Variants in SLC13A4 observed in about 807,000 individuals in gnomAD.
SLC13A4 encodes the protein solute carrier family 13 member 4.
Under a neutral mutation model 72.7 loss-of-function variants are expected in SLC13A4, and 28 were observed. The observed-to-expected ratio is 0.39, with a 90% confidence interval of 0.29 to 0.53. The LOEUF (loss-of-function observed/expected upper bound fraction) is 0.53, where lower values mean the gene tolerates loss of function less well. Ranked by LOEUF, SLC13A4 falls within the 20% of genes least tolerant of loss-of-function variation. The pLI is 0.78. For missense variants in SLC13A4, 653 were observed against 788.0 expected, an observed-to-expected ratio of 0.83 and a Z score of 2.05; for synonymous variants, 312 against 325.5, an observed-to-expected ratio of 0.96 and a Z score of 0.45.
chr7:135,726,887 A>C (rs1743747714), intron 1 of SLC13A4, among the ~76,000 whole-genome samples: 2 of 152,166 alleles, frequency 1.3e-5, no homozygotes, highest in Admixed American at 6.5e-5. Context: ...TTAGAGCTTC[A>C]ACTGTGGTCA....
chr7:135,684,471 T>C (rs930440243), intron 14 of SLC13A4, among the ~76,000 whole-genome samples: 4 of 152,184 alleles, frequency 2.6e-5, no homozygotes, highest in African/African-American at 4.8e-5. Flanking sequence ...CATGGAAATA[T>C]GGCTTTGAGT....
At chr7:135,683,080 T>C (rs3110791) in intron 15 of SLC13A4, among the ~76,000 whole-genome samples, 103,641 of 151,700 alleles carry the variant, frequency 0.68, 35,754 homozygotes, top group East Asian at 0.89. Context: ...AGGCAGATCA[T>C]CTGAAGCCAG....
chr7:135,705,459 G>T, intron 5 of SLC13A4, 137 bp downstream of exon 5: 2 of 734,612 alleles, frequency 2.7e-6, no homozygotes, highest in Non-Finnish European at 2.3e-6. Context: ...GTTGGGCGGG[G>T]TGGGGGGGTG....
chr7:135,721,966 G>T (rs1430157261), intron 1 of SLC13A4, among the ~76,000 whole-genome samples: 1 of 152,172 alleles, frequency 6.6e-6, no homozygotes, highest in Admixed American at 6.5e-5. Context: ...GTGTGGTGGG[G>T]GCTGGGGCTT....
chr7:135,723,111 G>A (rs1463466555), intron 1 of SLC13A4, among the ~76,000 whole-genome samples: 1 of 152,158 alleles, frequency 6.6e-6, no homozygotes, highest in East Asian at 1.9e-4. Context: ...CCCTTGGGGA[G>A]GTAAAATGAT....
intron 2 of SLC13A4, among the ~76,000 whole-genome samples, chr7:135,711,888 G>A (rs1205570679): frequency 6.7e-6 from 1 of 148,906 alleles, no homozygotes; most frequent in Non-Finnish European, 1.5e-5. Flanking sequence ...CTCCCAAGTA[G>A]CTGGAGCTAC....
chr7:135,720,785 CTGTT>C (rs1461925825), intron 2 of SLC13A4, among the ~76,000 whole-genome samples: 1 of 152,130 alleles, frequency 6.6e-6, no homozygotes, highest in African/African-American at 2.4e-5. Flanking sequence ...CTGACAATTT[CTGTT>C]TGAGCTTTTG....
At chr7:135,695,325 CAG>C (rs772007650) in intron 9 of SLC13A4, 41 bp downstream of exon 9, 78 of 1,611,254 alleles carry the variant, frequency 4.8e-5, no homozygotes, top group Non-Finnish European at 6.5e-5. Context: ...TTTGGATCAA[CAG>C]GGGGGCTTCA....
chr7:135,721,656 A>AC, intron 1 of SLC13A4, 133 bp from the exon 2 acceptor site: 1 of 1,105,754 alleles, frequency 9.0e-7, no homozygotes, highest in Non-Finnish European at 1.3e-6. Flanking sequence ...AGGGACCGAA[A>AC]CCGAACTGGC....
intron 9 of SLC13A4, among the ~76,000 whole-genome samples, chr7:135,694,860 A>G (rs997419475): frequency 6.6e-6 from 1 of 152,224 alleles, no homozygotes; most frequent in African/African-American, 2.4e-5. Flanking sequence ...ACATTATATT[A>G]TCTTCCCTTA....
At chr7:135,701,637 C>A in intron 7 of SLC13A4, 43 bp downstream of exon 7, 1 of 1,584,830 alleles carries the variant, frequency 6.3e-7, no homozygotes, top group South Asian at 1.1e-5. Context: ...CAGTTCACAG[C>A]GTTTCATGTA....
chr7:135,721,473 C>T lies in SLC13A4; in HGVS notation c.150G>A (p.Ser50=), dbSNP rs150811537. The T allele has an allele frequency of 3.2e-5, 52 of 1,613,964 alleles. No homozygotes were observed. The highest frequency in any genetic ancestry group is 1.8e-4 in the South Asian group (16 of 91,084). The change falls in exon 2 of 16, where the codon TCG becomes TCA. Residue 50 remains serine (S), a synonymous_variant. Coordinates refer to ENST00000682651, the MANE Select transcript of SLC13A4 (RefSeq NM_001318192.2). ...CTGCAGCTCCCAGAGGCACTGCCTCCGACACCCAGTACACAGCAGTCACGA... is the reference window on the plus strand; with the variant it reads ...CTGCAGCTCCCAGAGGCACTGCCTCTGACACCCAGTACACAGCAGTCACGA... ...VLIVTAVYWV[S]EAVPLGAAAL...
chr7:135,684,680 T>G (rs564445456), intron 14 of SLC13A4, among the ~76,000 whole-genome samples: 1 of 151,486 alleles, frequency 6.6e-6, no homozygotes, highest in African/African-American at 2.4e-5. Flanking sequence ...GGAAGATAAT[T>G]GTTTTATATG....
At chr7:135,685,478 C>T in intron 14 of SLC13A4, 44 bp downstream of exon 14, 8 of 1,593,418 alleles carry the variant, frequency 5.0e-6, no homozygotes, top group Non-Finnish European at 6.0e-6. Context: ...CTCCAGGCCC[C>T]TGGGACAGCC....
Position 135,702,864 on chromosome 7 carries a change from G to A in SLC13A4, c.614C>T (p.Thr205Ile). The change falls in exon 6 of 16, where the codon ACC becomes ATC. Residue 205 changes from threonine to isoleucine, a missense_variant. Coordinates refer to ENST00000682651, the MANE Select transcript of SLC13A4 (RefSeq NM_001318192.2). ...VNEDRSNADL[T>I]TLMHNENLNG... ...CCATACCTCGTTGTGCATCAGAGTG[G>A]TGAGGTCTGCGTTGGACCTGCTGGA... 6.2e-7 allele frequency: 1 copy of A among 1,613,946 alleles called. No individual in the cohort carries two copies. Among genetic ancestry groups the A allele is most frequent in the Non-Finnish European group, 8.5e-7 (1 of 1,179,818 alleles).
chr7:135,707,854 A>G (rs1796203075), intron 3 of SLC13A4: 1 of 364,778 alleles, frequency 2.7e-6, no homozygotes, highest in East Asian at 4.5e-5. Flanking sequence ...GGGCCCCTAT[A>G]TGTTGTAAGC....
At position 135,711,512 on chromosome 7, in the gene SLC13A4, T is replaced by C. The variant is rs567005771; in HGVS notation, c.229-3262A>G. Among the ~76,000 whole-genome samples the C allele has an allele frequency of 1.2e-3, 184 of 152,262 alleles. 1 individual carries two copies. The highest frequency in any genetic ancestry group is 4.3e-3 in the African/African-American group (179 of 41,552). On this transcript the variant is annotated intron_variant, in intron 2 of 15. Transcript: ENST00000682651. ...TCTCATTTGAGCTCCACAGCAGTGCTATGAAGCAGCACTATCCGTATCTCA... is the reference window on the plus strand; with the variant it reads ...TCTCATTTGAGCTCCACAGCAGTGCCATGAAGCAGCACTATCCGTATCTCA...
intron 10 of SLC13A4, 33 bp downstream of exon 10, chr7:135,694,104 G>A (rs768986223): frequency 1.4e-5 from 18 of 1,297,556 alleles, no homozygotes; most frequent in Non-Finnish European, 1.1e-6. Flanking sequence ...GTTTCTGCTG[G>A]AGAAGGAGGG....
intron 2 of SLC13A4, among the ~76,000 whole-genome samples, chr7:135,718,531 A>T (rs1796479481): frequency 6.6e-6 from 1 of 151,148 alleles, no homozygotes; most frequent in East Asian, 2.0e-4. Flanking sequence ...GGGAGAGCAC[A>T]TGTCTATGAA....
Sources: gnomAD v4.1 joint callset for allele counts (sites outside exome capture counted in the v4.1 genomes callset) on GRCh38, gnomAD v4.1.1 for gene constraint, MANE v1.5 for transcripts, NCBI Gene and HGNC (gene_info 2026-07-23, HGNC 2026-07-21) for gene names.